GPM6B: variants seen among roughly 807,000 people sequenced by gnomAD.
GPM6B encodes glycoprotein M6B, also known as neuronal membrane glycoprotein M6-b.
GPM6B carries 4 observed loss-of-function variants against 27.2 expected under a neutral mutation model. The ratio of observed to expected loss-of-function variants is 0.15; its 90% CI spans 0.07 to 0.34. GPM6B has a LOEUF of 0.34. GPM6B is among the 10% of genes least tolerant of loss of function. The pLI is 1.00. For missense variants in GPM6B, 183 were observed against 261.9 expected (o/e 0.70, Z 2.08); for synonymous variants, 124 against 103.1 (o/e 1.20, Z -1.23).
chrX:13,786,595 C>T (rs1346500180), intron 2 of GPM6B, among the ~76,000 whole-genome samples: 4 of 110,424 alleles, frequency 3.6e-5, no homozygotes. Flanking sequence ...TGCCCCCTTC[C>T]CCGACACACA....
At chrX:13,871,104 CAAAACAAAACAAAAA>C (rs1266046169) in intron 1 of GPM6B, among the ~76,000 whole-genome samples, 663 of 41,332 alleles carry the variant, frequency 0.016, 4 homozygotes, top group African/African-American at 0.034. Context: ...CAAAACAAAA[CAAAACAAAACAAAAA>C]AAAAAGAAGT....
At chrX:13,796,131 G>A (rs939877634) in intron 2 of GPM6B, among the ~76,000 whole-genome samples, 3 of 111,178 alleles carry the variant, frequency 2.7e-5, no homozygotes, top group Admixed American at 9.6e-5. Context: ...CTCCATGTTG[G>A]TCAGGCTGGT....
intron 1 of GPM6B, among the ~76,000 whole-genome samples, chrX:13,919,044 C>T (rs1432774321): frequency 3.6e-5 from 4 of 111,555 alleles, no homozygotes; most frequent in South Asian, 3.8e-4. Context: ...GGGTCAATTG[C>T]GGCCAAAGTT....
intron 1 of GPM6B, among the ~76,000 whole-genome samples, chrX:13,823,968 G>A (rs1480215544): frequency 1.8e-5 from 2 of 112,567 alleles, no homozygotes; most frequent in Non-Finnish European, 3.8e-5. Flanking sequence ...TGCGGCATGA[G>A]GGGGCATGTG....
intron 1 of GPM6B, among the ~76,000 whole-genome samples, chrX:13,927,605 C>G (rs984111044): frequency 8.9e-6 from 1 of 112,767 alleles, no homozygotes; most frequent in African/African-American, 3.2e-5. Flanking sequence ...CAAAGATTCA[C>G]TAACTACTGC....
upstream of GPM6B, among the ~76,000 whole-genome samples, chrX:13,819,122 C>A (rs1263474004): frequency 8.9e-6 from 1 of 112,382 alleles, no homozygotes; most frequent in Non-Finnish European, 1.9e-5. Flanking sequence ...AATATTCACA[C>A]ATCCTCCAGT....
chrX:13,834,935 T>C (rs1220271425), intron 1 of GPM6B, among the ~76,000 whole-genome samples: 1 of 112,598 alleles, frequency 8.9e-6, no homozygotes, highest in Non-Finnish European at 1.9e-5. Flanking sequence ...TGCCAAGGAT[T>C]GTGTCAGGTA....
At chrX:13,865,555 A>G (rs199627818) in intron 1 of GPM6B, among the ~76,000 whole-genome samples, 3 of 38,153 alleles carry the variant, frequency 7.9e-5, no homozygotes, top group South Asian at 9.5e-4. Flanking sequence ...AAAAAAAAAA[A>G]AAAAAAAGAA....
intron 1 of GPM6B, 106 bp downstream of exon 1, chrX:13,816,738 G>A (rs1030650322): frequency 8.5e-6 from 8 of 946,062 alleles, no homozygotes; most frequent in African/African-American, 1.9e-5. Context: ...CATGCCATAG[G>A]GATTGTCTCA....
In GPM6B at chrX:13,892,162, C is replaced by A. The variant is rs2050194431; in HGVS notation, c.-198+46165G>T. Among the ~76,000 whole-genome samples, 7 of 111,770 alleles carry A rather than the reference C, an allele frequency of 6.3e-5. No individual in the cohort carries two copies. The Admixed American group carries it at 6.7e-4, about 11-fold the overall frequency. On this transcript the variant is annotated intron_variant, in intron 1 of 6. Coordinates refer to the GPM6B transcript ENST00000398361. ...TGGTGCTATGACAGAATTTCTTTTT[C>A]TGGAAATCCCTTTCTCAAGGAAAAG...
chrX:13,832,086 TA>T (rs112530416), intron 1 of GPM6B, among the ~76,000 whole-genome samples: 4 of 111,591 alleles, frequency 3.6e-5, no homozygotes, highest in Non-Finnish European at 7.5e-5. Flanking sequence ...TTTTTACAAT[TA>T]AAAAAACAGG....
intron 1 of GPM6B, among the ~76,000 whole-genome samples, chrX:13,836,257 A>G (rs1407679133): frequency 8.9e-6 from 1 of 111,737 alleles, no homozygotes; most frequent in African/African-American, 3.2e-5. Context: ...GGTAACTTAA[A>G]TGGGTTGTGT....
intron 2 of GPM6B, among the ~76,000 whole-genome samples, chrX:13,799,408 T>A (rs7057329): frequency 0.28 from 28,719 of 102,645 alleles, 3,393 homozygotes; most frequent in Non-Finnish European, 0.35. Context: ...TATTATTTTT[T>A]TTTTAGTAGA....
At chrX:13,785,324 GA>G (rs1389155607) in intron 3 of GPM6B, among the ~76,000 whole-genome samples, 1 of 111,463 alleles carries the variant, frequency 9.0e-6, no homozygotes, top group Admixed American at 9.5e-5. Context: ...ACCCAGGCTG[GA>G]GTGCAGTGTT....
rs1396829345 is a variant in GPM6B at position 13,914,670 on chromosome X, T to C, written c.-198+23657A>G. ...AAACTTCTGGCATGCTGAATAACAT[T>C]TTGGGGGGTTCTATTAGAGCAAACA... On this transcript the variant is annotated intron_variant, in intron 1 of 6. Transcript: ENST00000398361. Among the ~76,000 whole-genome samples the C allele has an allele frequency of 3.6e-5, 4 of 112,196 alleles. No individual in the cohort carries two copies. The Admixed American group carries it at 3.8e-4, about 11-fold the overall frequency.
At chrX:13,908,885 GATTT>G (rs1487436785) in intron 1 of GPM6B, among the ~76,000 whole-genome samples, 3 of 112,104 alleles carry the variant, frequency 2.7e-5, no homozygotes, top group Non-Finnish European at 5.6e-5. Flanking sequence ...CTAAACTTCA[GATTT>G]ACTGAACACA....
chrX:13,790,027 A>AT (rs968810661), intron 2 of GPM6B, among the ~76,000 whole-genome samples: 8 of 111,023 alleles, frequency 7.2e-5, no homozygotes, highest in African/African-American at 3.3e-5. Context: ...TTATTTTTTA[A>AT]TTTTTTTGTA....
chrX:13,903,052 C>T (rs770499134), intron 1 of GPM6B, among the ~76,000 whole-genome samples: 1 of 112,378 alleles, frequency 8.9e-6, no homozygotes, highest in African/African-American at 3.2e-5. Flanking sequence ...ATCAGAGCTT[C>T]ACTCGAGGAG....
At chrX:13,890,923 T>G (rs1423692652) in intron 1 of GPM6B, among the ~76,000 whole-genome samples, 1 of 110,944 alleles carries the variant, frequency 9.0e-6, no homozygotes, top group Non-Finnish European at 1.9e-5. Flanking sequence ...ACCACAATGG[T>G]GCATATTGAG....
Sources: gnomAD v4.1 joint callset for allele counts (sites outside exome capture counted in the v4.1 genomes callset) on GRCh38, gnomAD v4.1.1 for gene constraint, MANE v1.5 for transcripts, NCBI Gene and HGNC (gene_info 2026-07-23, HGNC 2026-07-21) for gene names.